The following CERS5 variants were observed in gnomAD, a reference collection of about 807,000 sequenced individuals.
The protein encoded by CERS5 is LAG1 homolog, ceramide synthase 5.
Under a neutral mutation model 58.9 loss-of-function variants are expected in CERS5, and 37 were observed. The ratio of observed to expected loss-of-function variants is 0.63; its 90% confidence interval spans 0.48 to 0.83. CERS5 has a LOEUF of 0.83. CERS5 is among the 40% of genes least tolerant of loss of function. CERS5 has a pLI of 0.00. For missense variants in CERS5, 398 were observed against 489.3 expected (o/e 0.81, Z 1.76); for synonymous variants, 147 against 177.8 (o/e 0.83, Z 1.38).
chr12:50,137,654 G>A (rs572861694), intron 6 of CERS5, 74 bp downstream of exon 6: 11 of 808,378 alleles, frequency 1.4e-5, no homozygotes, highest in East Asian at 5.0e-5. Context: ...ATAATACATC[G>A]TAATGGCAGT....
chr12:50,139,898 G>T (rs1019534850), intron 4 of CERS5, among the ~76,000 whole-genome samples: 1 of 151,944 alleles, frequency 6.6e-6, no homozygotes, highest in Non-Finnish European at 1.5e-5. Flanking sequence ...TAGAAATGGG[G>T]TCTCACTATA....
intron 1 of CERS5, among the ~76,000 whole-genome samples, chr12:50,152,748 G>A (rs1365985622): frequency 6.6e-6 from 1 of 151,896 alleles, no homozygotes; most frequent in Non-Finnish European, 1.5e-5. Context: ...ACGTTAGTCA[G>A]CTCTGAGTAT....
At chr12:50,143,399 A>G (rs80119169) in intron 2 of CERS5, 195 bp from the exon 3 acceptor site, 5,349 of 508,896 alleles carry the variant, frequency 0.011, 239 homozygotes, top group African/African-American at 0.1. Context: ...TCACCTATAC[A>G]TATCCTTTTG....
intron 1 of CERS5, among the ~76,000 whole-genome samples, chr12:50,158,247 C>A (rs913946724): frequency 6.6e-6 from 1 of 151,904 alleles, no homozygotes; most frequent in Admixed American, 6.6e-5. Context: ...ACATATTTAC[C>A]TTTTTTCAAT....
intron 8 of CERS5, 111 bp downstream of exon 8, chr12:50,135,621 T>C: frequency 1.2e-6 from 1 of 858,940 alleles, no homozygotes; most frequent in Admixed American, 1.7e-5. Context: ...TGTGTTCTAT[T>C]GGCGAAAGTA....
chr12:50,151,356 G>C (rs1161511494), intron 1 of CERS5, among the ~76,000 whole-genome samples: 1 of 152,020 alleles, frequency 6.6e-6, no homozygotes, highest in Non-Finnish European at 1.5e-5. Context: ...ACTTTTAATG[G>C]CAAAAACCAC....
At chr12:50,142,764 A>G (rs1197951754) in intron 3 of CERS5, among the ~76,000 whole-genome samples, 6 of 152,124 alleles carry the variant, frequency 3.9e-5, no homozygotes, top group African/African-American at 1.4e-4. Flanking sequence ...GCAAGCTAGT[A>G]CTCCCTCTAT....
intron 1 of CERS5, among the ~76,000 whole-genome samples, chr12:50,155,973 C>T (rs1938550763): frequency 6.7e-6 from 1 of 148,362 alleles, no homozygotes; most frequent in Admixed American, 6.8e-5. Context: ...TGTGGTGGCA[C>T]ACCTGCAGTC....
chr12:50,166,683 T>C (rs927997224), intron 1 of CERS5, among the ~76,000 whole-genome samples: 2 of 152,210 alleles, frequency 1.3e-5, no homozygotes, highest in African/African-American at 4.8e-5. Flanking sequence ...CGTCTGGCCC[T>C]TGCGTTGACC....
rs573966873 is a variant in CERS5, at chr12:50,159,811, G to A, written c.197+7290C>T. On this transcript the variant is annotated intron_variant, in intron 1 of 9. Transcript: ENST00000317551. Reference sequence around the variant, plus strand: ...TCACCATGTTGGTCAGGCTGGTCTCGAACTCCTGACCTCAGGTCATCTGCC... The same window carrying A: ...TCACCATGTTGGTCAGGCTGGTCTCAAACTCCTGACCTCAGGTCATCTGCC... Among the ~76,000 whole-genome samples the A allele has an allele frequency of 3.1e-4, 47 of 151,952 alleles. No homozygotes were observed. In the South Asian group the frequency reaches 8.1e-3, roughly 26 times the overall value.
intron 1 of CERS5, among the ~76,000 whole-genome samples, chr12:50,148,946 A>ATATATATATATATATATGTGTG (rs1420401358): frequency 9.7e-6 from 1 of 103,152 alleles, no homozygotes; most frequent in African/African-American, 4.0e-5. Flanking sequence ...ATATATATAT[A>ATATATATATATATATATGTGTG]TGTGTGTGTG....
intron 1 of CERS5, chr12:50,154,198 C>T: frequency 3.0e-6 from 1 of 329,292 alleles, no homozygotes; most frequent in Non-Finnish European, 6.1e-6. Context: ...ACTAAAAATG[C>T]AAAACTTAGC....
intron 9 of CERS5, among the ~76,000 whole-genome samples, chr12:50,131,887 A>C (rs957823124): frequency 2.6e-5 from 4 of 152,142 alleles, no homozygotes; most frequent in Admixed American, 2.6e-4. Flanking sequence ...GCTTGAGCCC[A>C]AGAGTTTGAG....
At chr12:50,131,052 T>C (rs936587409) in intron 9 of CERS5, among the ~76,000 whole-genome samples, 24 of 152,286 alleles carry the variant, frequency 1.6e-4, no homozygotes, top group Admixed American at 1.2e-3. Flanking sequence ...ACACGAACAA[T>C]ACGTATGACT....
intron 9 of CERS5, chr12:50,133,097 G>GA (rs1565764151): frequency 7.8e-7 from 1 of 1,286,596 alleles, no homozygotes; most frequent in Non-Finnish European, 1.0e-6. Context: ...AGAGAACAGA[G>GA]ATGTCCAGTA....
intron 2 of CERS5, 149 bp from the exon 3 acceptor site, chr12:50,143,353 A>C (rs1482954438): frequency 3.4e-6 from 3 of 879,780 alleles, no homozygotes; most frequent in South Asian, 3.3e-5. Flanking sequence ...ATTTTTAGTA[A>C]GAAATTTTAT....
intron 1 of CERS5, among the ~76,000 whole-genome samples, chr12:50,153,022 A>G (rs1467788887): frequency 1.3e-5 from 2 of 151,954 alleles, no homozygotes; most frequent in Non-Finnish European, 2.9e-5. Flanking sequence ...GTGAGCTGAG[A>G]TCCTGCCACT....
intron 8 of CERS5, chr12:50,135,352 A>G (rs113914915): frequency 4.3e-5 from 16 of 370,906 alleles, no homozygotes; most frequent in African/African-American, 3.2e-4. Flanking sequence ...TGTGTGTGTC[A>G]GGGTTGGGAC....
At chr12:50,156,420 C>CTATATATATATATA (rs55762917) in intron 1 of CERS5, among the ~76,000 whole-genome samples, 4,476 of 77,160 alleles carry the variant, frequency 0.058, 530 homozygotes, top group East Asian at 0.16. Flanking sequence ...AACAAACAAA[C>CTATATATATATATA]TATATATATA....
Sources: allele counts gnomAD v4.1 joint callset (sites outside exome capture counted in the v4.1 genomes callset), GRCh38; gene constraint gnomAD v4.1.1; transcripts MANE v1.5; gene names NCBI Gene and HGNC (gene_info 2026-07-23, HGNC 2026-07-21).